The following MAD1L1 variants were observed in gnomAD, a reference collection of about 807,000 sequenced individuals.
MAD1L1 encodes the protein mitotic spindle assembly checkpoint protein MAD1.
MAD1L1 carries 95 observed loss-of-function variants against 96.9 expected under a neutral mutation model. That is an observed-to-expected ratio of 0.98 (90% CI 0.83 to 1.16). The LOEUF (loss-of-function observed/expected upper bound fraction) is 1.16, where lower values mean the gene tolerates loss of function less well. Ranked by LOEUF, MAD1L1 falls within the 50% of genes most tolerant of loss-of-function variation. The pLI is 0.00. For synonymous variants in MAD1L1, 473 were observed against 396.6 expected (o/e 1.19, Z -2.29); for missense variants, 1,007 against 954.4 (o/e 1.06, Z -0.73).
chr7:1,884,216 G>A (rs558176627), intron 18 of MAD1L1, among the ~76,000 whole-genome samples: 3 of 152,344 alleles, frequency 2.0e-5, no homozygotes, highest in South Asian at 2.1e-4. Flanking sequence ...AGCCCTGCTC[G>A]CAGCTGCCCT....
At chr7:2,155,674 G>C (rs1304912536) in intron 10 of MAD1L1, among the ~76,000 whole-genome samples, 1 of 152,204 alleles carries the variant, frequency 6.6e-6, no homozygotes, top group Non-Finnish European at 1.5e-5. Flanking sequence ...ACTCCATTGT[G>C]TGGCTACACA....
In MAD1L1 at chr7:1,980,542, C is replaced by T; in HGVS notation, c.1417-1G>A. The T allele has an allele frequency of 2.5e-6, 4 of 1,610,584 alleles. No individual in the cohort carries two copies. Among genetic ancestry groups the T allele is most frequent in the Non-Finnish European group, 3.4e-6 (4 of 1,178,456 alleles). On this transcript the variant is annotated splice_acceptor_variant, in intron 14 of 18. Coordinates refer to ENST00000265854, the MANE Select transcript of MAD1L1 (RefSeq NM_001013836.2). LOFTEE classifies it high-confidence loss of function. ...TCAGCATCTTCAGCTCCATCTCCAG[C>T]TAGGAGAAAGCAAAGGATAGAGGGT...
chr7:2,125,046 C>G (rs780540176), intron 11 of MAD1L1, among the ~76,000 whole-genome samples: 22 of 152,302 alleles, frequency 1.4e-4, no homozygotes, highest in Non-Finnish European at 1.8e-4. Context: ...TGCTGGGCTC[C>G]CGGCCCACAC....
At chr7:1,933,337 G>C (rs1283422520) in intron 17 of MAD1L1, among the ~76,000 whole-genome samples, 1 of 152,190 alleles carries the variant, frequency 6.6e-6, no homozygotes, top group Non-Finnish European at 1.5e-5. Context: ...CTTCTGGGCT[G>C]CTCGGATACA....
chr7:2,202,766 C>T (rs1462343428), intron 10 of MAD1L1, among the ~76,000 whole-genome samples: 7 of 152,174 alleles, frequency 4.6e-5, no homozygotes, highest in Admixed American at 1.3e-4. Context: ...ATCACGCGCA[C>T]GGTAACTAGG....
chr7:1,958,758 A>C (rs1779834421), intron 15 of MAD1L1, among the ~76,000 whole-genome samples: 1 of 152,216 alleles, frequency 6.6e-6, no homozygotes, highest in African/African-American at 2.4e-5. Flanking sequence ...CATTGCACAG[A>C]CGGCAACACT....
At chr7:2,090,747 C>A (rs1029234187) in intron 11 of MAD1L1, among the ~76,000 whole-genome samples, 1 of 152,244 alleles carries the variant, frequency 6.6e-6, no homozygotes, top group African/African-American at 2.4e-5. Flanking sequence ...ACAGACGCAG[C>A]GTCCCCATCA....
chr7:2,204,160 C>T (rs1281080374), intron 10 of MAD1L1, among the ~76,000 whole-genome samples: 2 of 152,188 alleles, frequency 1.3e-5, no homozygotes, highest in African/African-American at 4.8e-5. Flanking sequence ...TGCACGCAGC[C>T]GTGGCCGTAG....
At chr7:2,123,779 A>AT (rs1318336450) in intron 11 of MAD1L1, among the ~76,000 whole-genome samples, 5 of 152,230 alleles carry the variant, frequency 3.3e-5, no homozygotes, top group Non-Finnish European at 7.4e-5. Flanking sequence ...TCAGTCAGGT[A>AT]AATGCCTCCC....
intron 18 of MAD1L1, among the ~76,000 whole-genome samples, chr7:1,843,196 G>A (rs1181969343): frequency 6.6e-6 from 1 of 152,192 alleles, no homozygotes; most frequent in Non-Finnish European, 1.5e-5. Flanking sequence ...CTCTGAAAGC[G>A]AGCCAGGTTC....
intron 18 of MAD1L1, among the ~76,000 whole-genome samples, chr7:1,835,036 T>C (rs1483255945): frequency 6.6e-6 from 1 of 150,416 alleles, no homozygotes; most frequent in African/African-American, 2.5e-5. Flanking sequence ...TTCCACATAT[T>C]AACAAAGTAC....
intron 10 of MAD1L1, among the ~76,000 whole-genome samples, chr7:2,152,019 C>CCGGGTG (rs148980734): frequency 0.25 from 37,115 of 151,110 alleles, 4,863 homozygotes; most frequent in Middle Eastern, 0.36. Flanking sequence ...GAGGCTGCTT[C>CCGGGTG]CGGGTGGCTC....
At chr7:1,844,021 G>A (rs891967133) in intron 18 of MAD1L1, among the ~76,000 whole-genome samples, 1 of 152,216 alleles carries the variant, frequency 6.6e-6, no homozygotes, top group Admixed American at 6.5e-5. Context: ...AGGGCAGCAA[G>A]TGGAGCCTAT....
rs146211864 is a variant in MAD1L1 at position 2,208,847 on chromosome 7, C to T, written c.986+4365G>A. Reference sequence around the variant, plus strand: ...TGTGTGCTGGCCTCCGCTTTCCTCACCCGTAAGTCACTCCCCGAGACAGAC... The same window carrying T: ...TGTGTGCTGGCCTCCGCTTTCCTCATCCGTAAGTCACTCCCCGAGACAGAC... On this transcript the variant is annotated intron_variant, in intron 10 of 18. Transcript: ENST00000265854. Among the ~76,000 whole-genome samples, 826 of 152,256 alleles carry T rather than the reference C, an allele frequency of 5.4e-3. 23 individuals carry two copies. The highest frequency in any genetic ancestry group is 0.045 in the Admixed American group (693 of 15,296).
At chr7:1,918,065 G>A (rs1158580319) in intron 17 of MAD1L1, among the ~76,000 whole-genome samples, 2 of 152,162 alleles carry the variant, frequency 1.3e-5, no homozygotes, top group Non-Finnish European at 2.9e-5. Context: ...CCACCTCGCA[G>A]ACCAGCACCT....
chr7:1,850,590 G>A (rs1157688447), intron 18 of MAD1L1, among the ~76,000 whole-genome samples: 1 of 152,202 alleles, frequency 6.6e-6, no homozygotes, highest in Non-Finnish European at 1.5e-5. Context: ...AGGTGACTCG[G>A]CAGAGCCGGC....
At chr7:2,049,896 A>C (rs1784090936) in intron 12 of MAD1L1, among the ~76,000 whole-genome samples, 2 of 148,684 alleles carry the variant, frequency 1.3e-5, no homozygotes, top group Admixed American at 1.3e-4. Context: ...CCACACGTTC[A>C]CAGGGCACCT....
In MAD1L1 at chr7:1,925,827, A is replaced by T. The variant is rs115932701; in HGVS notation, c.1807+10860T>A. 8.2e-3 allele frequency among the ~76,000 whole-genome samples: 1,252 copies of T among 152,390 alleles called. 16 individuals are homozygous for T. Among genetic ancestry groups the T allele is most frequent in the African/African-American group, 0.029 (1,214 of 41,584 alleles). ...CTAACACGGAACGCTTACGTTGGAA[A>T]GCAGAAAAGATCTCAAATATGCAAT... On this transcript the variant is annotated intron_variant, in intron 17 of 18. Transcript: ENST00000265854.
At chr7:1,985,811 G>T (rs1179724170) in intron 14 of MAD1L1, among the ~76,000 whole-genome samples, 1 of 149,498 alleles carries the variant, frequency 6.7e-6, no homozygotes, top group Non-Finnish European at 1.5e-5. Flanking sequence ...CCCCTCTCCT[G>T]CTCTGAGACC....
Sources: gnomAD v4.1 joint callset for allele counts (sites outside exome capture counted in the v4.1 genomes callset) on GRCh38, gnomAD v4.1.1 for gene constraint, MANE v1.5 for transcripts, NCBI Gene and HGNC (gene_info 2026-07-23, HGNC 2026-07-21) for gene names.